SH3BP4: variants seen among roughly 807,000 people sequenced by gnomAD.
SH3BP4 encodes the protein SH3 domain-binding protein 4.
In SH3BP4, 33 loss-of-function variants were observed where a neutral mutation model predicts 65.5. The observed-to-expected ratio is 0.50, with a 90% CI of 0.38 to 0.67. SH3BP4 has a LOEUF of 0.67. Ranked by LOEUF, SH3BP4 falls within the 30% of genes least tolerant of loss-of-function variation. The probability of loss-of-function intolerance (pLI) is 0.00; values close to 1 mark genes in which losing one functional copy is unlikely to be tolerated. For synonymous variants in SH3BP4, 552 were observed against 545.5 expected (o/e 1.01, Z -0.17); for missense variants, 1,134 against 1,261.4 (o/e 0.90, Z 1.53).
At chr2:234,963,148 T>G (rs1014570791) in intron 1 of SH3BP4, among the ~76,000 whole-genome samples, 1 of 152,230 alleles carries the variant, frequency 6.6e-6, no homozygotes, top group Non-Finnish European at 1.5e-5. Context: ...GTCAGGTTTG[T>G]ATAGGTACAG....
At chr2:235,014,907 G>C (rs1187778148) in intron 2 of SH3BP4, among the ~76,000 whole-genome samples, 3 of 152,188 alleles carry the variant, frequency 2.0e-5, no homozygotes, top group African/African-American at 7.2e-5. Flanking sequence ...ATAAAACAAT[G>C]GGAACATAGT....
intron 1 of SH3BP4, among the ~76,000 whole-genome samples, chr2:234,980,158 A>C (rs1195589884): frequency 6.6e-6 from 1 of 152,148 alleles, no homozygotes; most frequent in Non-Finnish European, 1.5e-5. Flanking sequence ...TTTCCCCTGT[A>C]AGTAGTCCCC....
chr2:234,990,332 G>A (rs767522678), intron 1 of SH3BP4, among the ~76,000 whole-genome samples: 7 of 152,162 alleles, frequency 4.6e-5, no homozygotes, highest in African/African-American at 1.2e-4. Flanking sequence ...TCTTCTGGCC[G>A]ATGGCTCCAT....
chr2:235,017,125 T>C (rs1176482297), intron 2 of SH3BP4, among the ~76,000 whole-genome samples: 2 of 151,192 alleles, frequency 1.3e-5, no homozygotes, highest in African/African-American at 2.4e-5. Context: ...ATACTATTGT[T>C]TGGTAAAATA....
In SH3BP4 at chr2:235,043,340, G is replaced by A. The variant is rs982533134; in HGVS notation, c.2478+93G>A. 3.4e-5 allele frequency: 33 copies of A among 980,852 alleles called. 1 individual carries two copies. The highest frequency in any genetic ancestry group is 3.2e-4 in the Admixed American group (12 of 37,408). 60.8% of individuals were successfully genotyped at this position (980,852 alleles called of 1,614,324 possible). A position where few individuals can be genotyped will look rare whatever the true frequency, so the allele number is the denominator to read the frequency against. ...GCACATGGGCGTGGGCCGTGGTGTC[G>A]TAAGTCACCAGGACAGTGTCTGTGG... On this transcript the variant is annotated intron_variant, in intron 4 of 5. Transcript: ENST00000392011.
chr2:234,958,749 A>G (rs1415590341), intron 1 of SH3BP4, among the ~76,000 whole-genome samples: 2 of 152,076 alleles, frequency 1.3e-5, no homozygotes, highest in African/African-American at 4.8e-5. Context: ...TGAGTCTATC[A>G]TGTGCGGAGG....
At chr2:234,994,116 A>G (rs1053547510) in intron 1 of SH3BP4, among the ~76,000 whole-genome samples, 13 of 151,818 alleles carry the variant, frequency 8.6e-5, no homozygotes, top group Admixed American at 2.0e-4. Flanking sequence ...TCTATTACCT[A>G]TTGGGCGGTT....
chr2:234,998,655 C>T (rs963278572), intron 2 of SH3BP4, among the ~76,000 whole-genome samples: 4 of 152,256 alleles, frequency 2.6e-5, no homozygotes, highest in Non-Finnish European at 4.4e-5. Flanking sequence ...GCCTCTCTCT[C>T]GTTTCAAAAC....
rs946184429 is a variant in SH3BP4 at position 234,997,063 on chromosome 2, C to T, written c.-133+1687C>T. Among the ~76,000 whole-genome samples the T allele has an allele frequency of 1.1e-4, 17 of 152,232 alleles. No homozygotes were observed. The highest frequency in any genetic ancestry group is 2.9e-4 in the African/African-American group (12 of 41,458). ...TCTCCGTGGCGGGCACACAGGCTTCCGGGAGCCCGGTGAGGGAGGTGCACC... is the reference window on the plus strand; with the variant it reads ...TCTCCGTGGCGGGCACACAGGCTTCTGGGAGCCCGGTGAGGGAGGTGCACC... On this transcript the variant is annotated intron_variant, in intron 2 of 5. Coordinates refer to ENST00000392011, the MANE Select transcript of SH3BP4 (RefSeq NM_014521.3). The surrounding 1 kb of genome is among the most constrained non-coding windows in gnomAD (Gnocchi z 4.2).
At chr2:235,024,632 C>T (rs1694942507) in intron 2 of SH3BP4, among the ~76,000 whole-genome samples, 1 of 152,080 alleles carries the variant, frequency 6.6e-6, no homozygotes, top group African/African-American at 2.4e-5. Context: ...AAAGTGAGGC[C>T]TCAGTTTTCT....
chr2:234,955,964 C>T (rs1024571017), intron 1 of SH3BP4, among the ~76,000 whole-genome samples: 6 of 152,164 alleles, frequency 3.9e-5, no homozygotes, highest in African/African-American at 9.7e-5. Context: ...CATCACATCT[C>T]CCGGGGTGCT....
chr2:235,042,935 C>T lies in SH3BP4; in HGVS notation c.2166C>T (p.Val722=), dbSNP rs368415918. 21 of 1,612,892 alleles carry T rather than the reference C, an allele frequency of 1.3e-5. No homozygotes were observed. The highest frequency in any genetic ancestry group is 3.3e-5 in the Admixed American group (2 of 59,982). ...TGCACACCAAGAACGTGCTGGTGGT[C>T]GGCAGGGCCCGGCCCAGCCTGTGCT... ...GLVHTKNVLV[V]GRARPSLCSG... is the part of the protein sequence containing the mutation. Residue 722 remains valine, a synonymous_variant, in exon 4 of 6, where the codon GTC becomes GTT. Coordinates refer to ENST00000392011, the MANE Select transcript of SH3BP4 (RefSeq NM_014521.3). This position sits in a 1 kb window ranked among gnomAD's most constrained non-coding sequence, Gnocchi z 7.3.
chr2:234,959,106 C>G (rs1336017948), intron 1 of SH3BP4, among the ~76,000 whole-genome samples: 2 of 152,170 alleles, frequency 1.3e-5, no homozygotes, highest in Non-Finnish European at 2.9e-5. Flanking sequence ...CTTTTTCCCA[C>G]TAGCCTTTGT....
intron 4 of SH3BP4, among the ~76,000 whole-genome samples, chr2:235,049,737 A>G (rs1478001702): frequency 6.6e-6 from 1 of 152,210 alleles, no homozygotes; most frequent in Non-Finnish European, 1.5e-5. Flanking sequence ...CATAATCCAG[A>G]CCGGTATTAC....
At chr2:234,969,740 C>T (rs1692932001) in intron 1 of SH3BP4, among the ~76,000 whole-genome samples, 1 of 152,176 alleles carries the variant, frequency 6.6e-6, no homozygotes, top group Admixed American at 6.5e-5. Flanking sequence ...GCCTGTGGGT[C>T]CTCTCAGGGA....
chr2:235,052,815 AG>A lies in SH3BP4; in HGVS notation c.2667+66del. 4 of 1,424,500 alleles carry A rather than the reference AG, an allele frequency of 2.8e-6. No individual in the cohort carries two copies. The highest frequency in any genetic ancestry group is 3.8e-6 in the Non-Finnish European group (4 of 1,065,166). The allele number at this position is 1,424,500 out of a possible 1,614,324, so 88.2% of individuals were successfully genotyped here. A position where few individuals can be genotyped will look rare whatever the true frequency, so the allele number is the denominator to read the frequency against. On this transcript the variant is annotated intron_variant, in intron 5 of 5. Coordinates refer to ENST00000392011, the MANE Select transcript of SH3BP4 (RefSeq NM_014521.3). This position sits in a 1 kb window ranked among gnomAD's most constrained non-coding sequence, Gnocchi z 5.0. ...GTCCCTGGGTTCCGTGGACCCATGCAGTGCAGCCATAAAAAGTCTTGCCTCG... is the reference window on the plus strand; with the variant it reads ...GTCCCTGGGTTCCGTGGACCCATGCATGCAGCCATAAAAAGTCTTGCCTCG...
At chr2:235,005,442 C>A (rs373111142) in intron 2 of SH3BP4, among the ~76,000 whole-genome samples, 3 of 152,088 alleles carry the variant, frequency 2.0e-5, no homozygotes, top group Non-Finnish European at 2.9e-5. Flanking sequence ...ACTTCCCTGG[C>A]GTCACTTCCC....
At chr2:235,031,583 T>A (rs1286769010) in intron 2 of SH3BP4, among the ~76,000 whole-genome samples, 1 of 152,220 alleles carries the variant, frequency 6.6e-6, no homozygotes, top group Admixed American at 6.5e-5. Context: ...CCAGCTTACC[T>A]GGCCTCCCGC....
chr2:235,026,690 T>A lies in SH3BP4; in HGVS notation c.-132-8181T>A, dbSNP rs1695011433. Among the ~76,000 whole-genome samples the A allele has an allele frequency of 6.6e-6, 1 of 152,174 alleles. No homozygotes were observed. The highest frequency in any genetic ancestry group is 2.4e-5 in the African/African-American group (1 of 41,434). ...CAGGATATGCCCACCTTTCTCAAACTCAGACTGGAACGTGTGGTCCTGCCC... is the reference window on the plus strand; with the variant it reads ...CAGGATATGCCCACCTTTCTCAAACACAGACTGGAACGTGTGGTCCTGCCC... On this transcript the variant is annotated intron_variant, in intron 2 of 5. Coordinates refer to ENST00000392011, the MANE Select transcript of SH3BP4 (RefSeq NM_014521.3). This position sits in a 1 kb window ranked among gnomAD's most constrained non-coding sequence, Gnocchi z 4.6.
Sources: allele counts gnomAD v4.1 joint callset (sites outside exome capture counted in the v4.1 genomes callset), GRCh38; gene constraint gnomAD v4.1.1; non-coding constraint Gnocchi (gnomAD v3.1); transcripts MANE v1.5; gene names NCBI Gene and HGNC (gene_info 2026-07-23, HGNC 2026-07-21).